BRINP1: variants seen among roughly 807,000 people sequenced by gnomAD.
The protein encoded by BRINP1 is BMP/retinoic acid-inducible neural-specific protein 1.
Under a neutral mutation model 72.9 loss-of-function variants are expected in BRINP1, and 17 were observed. That is an observed-to-expected ratio of 0.23 (90% CI 0.16 to 0.35). BRINP1 has a LOEUF of 0.35. Ranked by LOEUF, BRINP1 falls within the 10% of genes least tolerant of loss-of-function variation. The pLI is 1.00. For missense variants in BRINP1, 850 were observed against 1,001.6 expected (o/e 0.85, Z 2.04); for synonymous variants, 418 against 378.5 (o/e 1.10, Z -1.21).
rs56106482 is a variant in BRINP1, at chr9:119,206,419, CAAA to C, written c.1145+2297_1145+2299del. On this transcript the variant is annotated intron_variant, in intron 7 of 7. Transcript: ENST00000265922. Reference sequence around the variant, plus strand: ...TGGGCAACAAAGCGAGACTCCATCTCAAAAAAAAAAAAAAAAAAAAAAGAGAGA... The same window carrying C: ...TGGGCAACAAAGCGAGACTCCATCTCAAAAAAAAAAAAAAAAAAAGAGAGA... Among the ~76,000 whole-genome samples the C allele has an allele frequency of 3.7e-3, 319 of 87,144 alleles. 2 individuals are homozygous for C. Among genetic ancestry groups the C allele is most frequent in the African/African-American group, 0.013 (303 of 23,080 alleles). The allele number at this position is 87,144 out of a possible 152,430, so 57.2% of individuals were successfully genotyped here.
intron 5 of BRINP1, among the ~76,000 whole-genome samples, chr9:119,221,985 C>A (rs978989300): frequency 1.4e-4 from 21 of 152,068 alleles, no homozygotes; most frequent in Admixed American, 8.5e-4. Flanking sequence ...CTTATAATGT[C>A]CCCTCTTAGA....
At chr9:119,329,313 G>A (rs1220059872) in intron 1 of BRINP1, among the ~76,000 whole-genome samples, 1 of 152,114 alleles carries the variant, frequency 6.6e-6, no homozygotes, top group African/African-American at 2.4e-5. Context: ...AAAGTTCTTG[G>A]TGGATTCATT....
chr9:119,181,275 G>T (rs973298984), intron 7 of BRINP1, among the ~76,000 whole-genome samples: 1 of 152,156 alleles, frequency 6.6e-6, no homozygotes, highest in African/African-American at 2.4e-5. Context: ...ACTACCCAGG[G>T]TCTAGTGGGC....
chr9:119,249,891 G>A lies in BRINP1; in HGVS notation c.219-741C>T, dbSNP rs1253588692. 8.6e-5 allele frequency among the ~76,000 whole-genome samples: 11 copies of A among 128,056 alleles called. 1 individual carries two copies. 84.0% of individuals were successfully genotyped at this position (128,056 alleles called of 152,430 possible). The stretch of plus-strand genomic sequence containing the variant: ...GGGAGGGAGGGAAGGGAGGAAGGAA[G>A]GGAGGGAGAGAGGGAGGGACCGGAT... On this transcript the variant is annotated intron_variant, in intron 2 of 7. Coordinates refer to ENST00000265922, the MANE Select transcript of BRINP1 (RefSeq NM_014618.3).
At chr9:119,196,307 G>A (rs541678734) in intron 7 of BRINP1, among the ~76,000 whole-genome samples, 21 of 152,092 alleles carry the variant, frequency 1.4e-4, no homozygotes, top group Non-Finnish European at 2.1e-4. Context: ...TCCAGGTGAC[G>A]GTGATGCCAA....
intron 1 of BRINP1, among the ~76,000 whole-genome samples, chr9:119,347,240 A>G (rs1408110699): frequency 1.3e-5 from 2 of 152,134 alleles, no homozygotes; most frequent in Non-Finnish European, 2.9e-5. Flanking sequence ...CAAGCTATCC[A>G]GGTATTCCTG....
chr9:119,328,372 T>G (rs1180223340), intron 1 of BRINP1, among the ~76,000 whole-genome samples: 1 of 152,184 alleles, frequency 6.6e-6, no homozygotes, highest in African/African-American at 2.4e-5. Context: ...ATACAGTACT[T>G]GGCTAAGATG....
chr9:119,262,334 G>T (rs1830503961), intron 2 of BRINP1, among the ~76,000 whole-genome samples: 1 of 151,752 alleles, frequency 6.6e-6, no homozygotes, highest in African/African-American at 2.4e-5. Flanking sequence ...CCAATATTTT[G>T]TCCTCCTTAA....
At chr9:119,227,210 C>T (rs911206214) in intron 5 of BRINP1, among the ~76,000 whole-genome samples, 1 of 151,974 alleles carries the variant, frequency 6.6e-6, no homozygotes, top group African/African-American at 2.4e-5. Flanking sequence ...TTCTTATTCC[C>T]ATTTTACAGA....
intron 2 of BRINP1, among the ~76,000 whole-genome samples, chr9:119,304,030 C>T (rs1054415118): frequency 6.6e-6 from 1 of 151,958 alleles, no homozygotes; most frequent in Non-Finnish European, 1.5e-5. Context: ...CAGGCGCCCA[C>T]CACCGTGCCT....
chr9:119,213,802 G>A, intron 6 of BRINP1, 117 bp downstream of exon 6: 2 of 852,788 alleles, frequency 2.3e-6, no homozygotes, highest in Non-Finnish European at 3.9e-6. Flanking sequence ...ACTCCAAAGT[G>A]AAAGGGTCAG....
At chr9:119,213,410 G>A (rs971568993) in intron 6 of BRINP1, among the ~76,000 whole-genome samples, 3 of 152,174 alleles carry the variant, frequency 2.0e-5, no homozygotes, top group African/African-American at 7.2e-5. Context: ...AAATAACTAA[G>A]ATACCAGAAA....
chr9:119,255,006 T>A (rs1226003593), intron 2 of BRINP1, among the ~76,000 whole-genome samples: 1 of 152,150 alleles, frequency 6.6e-6, no homozygotes, highest in East Asian at 1.9e-4. Flanking sequence ...CAGCAAACGA[T>A]CAGGAAGGAT....
chr9:119,218,089 T>A (rs1228341299), intron 5 of BRINP1, among the ~76,000 whole-genome samples: 1 of 152,044 alleles, frequency 6.6e-6, no homozygotes, highest in Non-Finnish European at 1.5e-5. Context: ...TCATCCCCAT[T>A]AGAGAGTAGG....
chr9:119,297,503 G>A (rs60523063), intron 2 of BRINP1, among the ~76,000 whole-genome samples: 6,226 of 152,192 alleles, frequency 0.041, 413 homozygotes, highest in African/African-American at 0.14. Flanking sequence ...CTGTAAAATG[G>A]GTTAAAGGCT....
Position 119,167,967 on chromosome 9 carries a change from G to A in BRINP1, c.1403C>T (p.Ser468Leu), listed in dbSNP as rs750438800. The change falls in exon 8 of 8, where the codon TCG (serine) becomes TTG (leucine). Residue 468 changes from serine (S) to leucine (L), a missense_variant. Coordinates refer to ENST00000265922, the MANE Select transcript of BRINP1 (RefSeq NM_014618.3). This position sits in a 1 kb window ranked among gnomAD's most constrained non-coding sequence, Gnocchi z 4.3. ...GCTGATGAACTGCTCGCTCCGCTCCGAGTCCACGTTCTGTGGTTCACAGCG... is the reference window on the plus strand; with the variant it reads ...GCTGATGAACTGCTCGCTCCGCTCCAAGTCCACGTTCTGTGGTTCACAGCG... ...RGRCEPQNVD[S>L]ERSEQFISFE... 10 of 1,614,222 alleles carry A rather than the reference G, an allele frequency of 6.2e-6. No individual in the cohort carries two copies. In the South Asian group the frequency reaches 7.7e-5, roughly 12 times the overall value.
intron 2 of BRINP1, among the ~76,000 whole-genome samples, chr9:119,302,023 AT>A (rs1366353816): frequency 3.3e-5 from 5 of 152,312 alleles, no homozygotes; most frequent in African/African-American, 1.2e-4. Context: ...CCCTATTGTC[AT>A]TAGGATGTAG....
intron 6 of BRINP1, among the ~76,000 whole-genome samples, chr9:119,211,163 A>T (rs1829921731): frequency 6.9e-6 from 1 of 144,520 alleles, no homozygotes; most frequent in Admixed American, 6.9e-5. Context: ...AAATACATTA[A>T]CTTTATTTAT....
chr9:119,289,064 T>C (rs530048463), intron 2 of BRINP1, among the ~76,000 whole-genome samples: 2 of 152,346 alleles, frequency 1.3e-5, no homozygotes, highest in South Asian at 4.1e-4. Context: ...CCTCCCAAAG[T>C]GCTGGGGTTA....
Sources: allele counts gnomAD v4.1 joint callset (sites outside exome capture counted in the v4.1 genomes callset), GRCh38; gene constraint gnomAD v4.1.1; non-coding constraint Gnocchi (gnomAD v3.1); transcripts MANE v1.5; gene names NCBI Gene and HGNC (gene_info 2026-07-23, HGNC 2026-07-21).